PPIA: variants seen among roughly 807,000 people sequenced by gnomAD.
PPIA encodes peptidyl-prolyl cis-trans isomerase A.
In PPIA, 2 loss-of-function variants were observed where a neutral mutation model predicts 15.3. The ratio of observed to expected loss-of-function variants is 0.13; its 90% CI spans 0.05 to 0.41. The LOEUF (loss-of-function observed/expected upper bound fraction) is 0.41. PPIA is among the 10% of genes least tolerant of loss of function. The pLI is 0.99. For synonymous variants in PPIA, 67 were observed against 73.1 expected (o/e 0.92, Z 0.43); for missense variants, 103 against 210.3 (o/e 0.49, Z 3.16).
rs761989899 is a variant in PPIA at position 44,801,355 on chromosome 7, G to A, written c.431G>A (p.Arg144His). 15 of 1,602,548 alleles carry A rather than the reference G, an allele frequency of 9.4e-6. No individual in the cohort carries two copies. The East Asian group carries it at 1.3e-4, about 14-fold the overall frequency. The change falls in exon 5 of 5, where the codon CGC becomes CAC. Residue 144 changes from arginine to histidine, a missense_variant. Transcript: ENST00000468812. ...ATGAATATTGTGGAGGCCATGGAGC[G>A]CTTTGGGTCCAGGAATGGCAAGACC... ...EGMNIVEAME[R>H]FGSRNGKTSK...
intron 1 of PPIA, chr7:44,798,679 T>G (rs1792455597): frequency 1.1e-6 from 1 of 899,118 alleles, no homozygotes; most frequent in Non-Finnish European, 1.3e-6. Context: ...CATAACGTAT[T>G]ATACATTCAA....
At chr7:44,799,186 A>C in intron 1 of PPIA, 61 bp from the exon 2 acceptor site, 6 of 1,536,492 alleles carry the variant, frequency 3.9e-6, no homozygotes, top group Non-Finnish European at 5.3e-6. Context: ...AAGCCCCTAA[A>C]GACATGGGTA....
chr7:44,799,302 A>C (rs1345870746), intron 2 of PPIA, 25 bp downstream of exon 2: 1 of 1,613,268 alleles, frequency 6.2e-7, no homozygotes, highest in East Asian at 2.2e-5. Context: ...TAAGTTTAAC[A>C]AAGATGTTCC....
At position 44,796,734 on chromosome 7, in the gene PPIA, C is replaced by G. The variant is rs772150396; in HGVS notation, c.10C>G (p.Pro4Ala). 18 of 1,610,478 alleles carry G rather than the reference C, an allele frequency of 1.1e-5. No individual in the cohort carries two copies. The highest frequency in any genetic ancestry group is 2.7e-5 in the African/African-American group (2 of 74,292). Residue 4 changes from proline to alanine, a missense_variant, in exon 1 of 5, where the codon CCC becomes GCC. Pro to Ala is a conservative substitution (Grantham distance 27). Transcript: ENST00000468812. MVNPTVFFDIAVDG... is the reference protein window; with the variant it reads MVNATVFFDIAVDG... ...CCGTGTACTATTAGCCATGGTCAAC[C>G]CCACCGTGTTCTTCGACATTGCCGT... is the stretch of plus-strand genomic sequence containing the variant.
intron 1 of PPIA, 107 bp from the exon 2 acceptor site, chr7:44,799,140 G>T (rs1354655111): frequency 1.5e-6 from 2 of 1,305,872 alleles, no homozygotes; most frequent in Admixed American, 4.4e-5. Context: ...AATTACTGAA[G>T]AAGTATTCTA....
chr7:44,802,239 C>T lies in PPIA; in HGVS notation c.*817C>T, dbSNP rs548241826. 6.0e-5 allele frequency: 9 copies of T among 151,150 alleles called. No individual in the cohort carries two copies. The highest frequency in any genetic ancestry group is 2.2e-4 in the African/African-American group (9 of 40,948). 9.4% of individuals were successfully genotyped at this position (151,150 alleles called of 1,614,324 possible). The stretch of plus-strand genomic sequence containing the variant: ...TCTCAGCTCACTGCAGCCTCCGCCT[C>T]CTGGGTTCAAGTGATTCTAGTGCCT... On this transcript the variant is annotated 3_prime_UTR_variant, in exon 5 of 5. Transcript: ENST00000468812.
chr7:44,797,683 T>A (rs1329710402), intron 1 of PPIA, among the ~76,000 whole-genome samples: 2 of 152,226 alleles, frequency 1.3e-5, no homozygotes, highest in African/African-American at 4.8e-5. Context: ...TAAAGATCAG[T>A]TGTAATTATA....
At chr7:44,799,347 ATATT>A (rs1792476911) in intron 2 of PPIA, 41 bp from the exon 3 acceptor site, 1 of 1,600,358 alleles carries the variant, frequency 6.2e-7, no homozygotes, top group East Asian at 2.2e-5. Flanking sequence ...GTGTATATAT[ATATT>A]TTTATGTATG....
intron 4 of PPIA, chr7:44,800,409 T>TTTC: frequency 6.5e-6 from 1 of 154,660 alleles, no homozygotes; most frequent in African/African-American, 2.5e-5. Flanking sequence ...TTTTTTTTTT[T>TTTC]TTTTCTTTTC....
chr7:44,797,898 CAG>C (rs551574537), intron 1 of PPIA: 98 of 152,282 alleles, frequency 6.4e-4, no homozygotes, highest in African/African-American at 2.3e-3. Context: ...TTCGTGAGGA[CAG>C]AGCGATTTCC....
At chr7:44,799,931 G>A in intron 4 of PPIA, 57 bp downstream of exon 4, 1 of 1,550,788 alleles carries the variant, frequency 6.4e-7, no homozygotes, top group Non-Finnish European at 8.8e-7. Flanking sequence ...TGCCCTGGGG[G>A]GAACGGAACA....
chr7:44,796,871 C>T, intron 1 of PPIA, 78 bp downstream of exon 1: 1 of 1,466,264 alleles, frequency 6.8e-7, no homozygotes, highest in Non-Finnish European at 9.2e-7. Context: ...GCCCCAAAGG[C>T]CCGGGCGCGG....
At chr7:44,800,648 C>G (rs1486887345) in intron 4 of PPIA, 2 of 154,162 alleles carry the variant, frequency 1.3e-5, no homozygotes, top group East Asian at 3.8e-4. Context: ...ATCTGCCTGC[C>G]TTGACCCCCC....
intron 4 of PPIA, 101 bp from the exon 5 acceptor site, chr7:44,801,186 T>TAAA (rs36119683): frequency 1.1e-4 from 115 of 1,084,610 alleles, no homozygotes; most frequent in Non-Finnish European, 1.2e-4. Context: ...AGGCTTCAGT[T>TAAA]AAAAAAAAAA....
chr7:44,799,111 A>G lies in PPIA; in HGVS notation c.70-136A>G. 2.6e-6 allele frequency: 3 copies of G among 1,169,302 alleles called. No individual in the cohort carries two copies. The South Asian group carries it at 4.9e-5, about 19-fold the overall frequency. 72.4% of individuals were successfully genotyped at this position (1,169,302 alleles called of 1,614,324 possible). On this transcript the variant is annotated intron_variant, in intron 1 of 4. Coordinates refer to ENST00000468812, the MANE Select transcript of PPIA (RefSeq NM_021130.5). The stretch of plus-strand genomic sequence containing the variant: ...GCAGGGCCTTATGGCTGTCAGGAGC[A>G]GTTCTTGGGAATTAAAGTAATTACT...
chr7:44,798,849 C>G (rs1792460078), intron 1 of PPIA: 1 of 1,003,742 alleles, frequency 1.0e-6, no homozygotes, highest in African/African-American at 1.7e-5. Flanking sequence ...ACTAAAAGAA[C>G]AGCTGTTTAC....
At chr7:44,799,182 C>G (rs1316277933) in intron 1 of PPIA, 65 bp from the exon 2 acceptor site, 3 of 1,527,338 alleles carry the variant, frequency 2.0e-6, no homozygotes, top group African/African-American at 1.4e-5. Flanking sequence ...TCAGAAGCCC[C>G]TAAAGACATG....
At position 44,802,708 on chromosome 7, in the gene PPIA, A is replaced by T. The variant is rs111718472; in HGVS notation, c.*1286A>T. 2.4e-4 allele frequency: 36 copies of T among 152,146 alleles called. No homozygotes were observed. Among genetic ancestry groups the T allele is most frequent in the African/African-American group, 8.2e-4 (34 of 41,422 alleles). The allele number at this position is 152,146 out of a possible 1,614,324, so 9.4% of individuals were successfully genotyped here. A position where few individuals can be genotyped will look rare whatever the true frequency, so the allele number is the denominator to read the frequency against. The stretch of plus-strand genomic sequence containing the variant: ...GTTATGGAGGCTTTGAGGTTTTGCA[A>T]ACCTGACCAATTTAAGCCATAAGAT... On this transcript the variant is annotated 3_prime_UTR_variant, in exon 5 of 5. Coordinates refer to ENST00000468812, the MANE Select transcript of PPIA (RefSeq NM_021130.5).
chr7:44,799,173 CAG>C (rs1385509980), intron 1 of PPIA, 72 bp from the exon 2 acceptor site: 24 of 1,463,616 alleles, frequency 1.6e-5, no homozygotes, highest in Non-Finnish European at 2.3e-5. Context: ...ATTTATGACT[CAG>C]AAGCCCCTAA....
Sources: allele counts gnomAD v4.1 joint callset (sites outside exome capture counted in the v4.1 genomes callset), GRCh38; gene constraint gnomAD v4.1.1; transcripts MANE v1.5; gene names NCBI Gene and HGNC (gene_info 2026-07-23, HGNC 2026-07-21).